Variants in CNBD1 observed in about 807,000 individuals in gnomAD.
CNBD1 encodes the protein cyclic nucleotide binding domain containing 1.
A neutral mutation model predicts 54.4 loss-of-function variants in CNBD1; 71 were observed. The observed-to-expected ratio is 1.30, with a 90% CI of 1.08 to 1.59. The LOEUF (loss-of-function observed/expected upper bound fraction) is 1.59. Among genes scored for constraint, CNBD1 ranks in the 40% most tolerant of loss-of-function variants. CNBD1 has a pLI of 0.00. For synonymous variants in CNBD1, 182 were observed against 170.7 expected (o/e 1.07, Z -0.51); for missense variants, 659 against 518.0 (o/e 1.27, Z -2.64).
intron 4 of CNBD1, among the ~76,000 whole-genome samples, chr8:87,117,276 A>G (rs916384825): frequency 6.6e-6 from 1 of 151,784 alleles, no homozygotes; most frequent in Non-Finnish European, 1.5e-5. Flanking sequence ...GCAGGTGCCT[A>G]TAATCCCAGC....
chr8:86,972,555 G>A (rs1332726116), intron 4 of CNBD1, among the ~76,000 whole-genome samples: 1 of 152,142 alleles, frequency 6.6e-6, no homozygotes, highest in Non-Finnish European at 1.5e-5. Context: ...GAAACTTAAG[G>A]AGATAGTGCA....
intron 6 of CNBD1, among the ~76,000 whole-genome samples, chr8:87,260,243 G>A (rs1288075486): frequency 6.6e-6 from 1 of 152,114 alleles, no homozygotes; most frequent in Non-Finnish European, 1.5e-5. Context: ...ACCCTGGAAG[G>A]CAGAGACCAA....
At chr8:87,305,693 G>T (rs1352710980) in intron 8 of CNBD1, among the ~76,000 whole-genome samples, 1 of 152,078 alleles carries the variant, frequency 6.6e-6, no homozygotes, top group Non-Finnish European at 1.5e-5. Flanking sequence ...GGGATAATTG[G>T]CAAGCCACAT....
chr8:86,992,467 A>G (rs1808774282), intron 4 of CNBD1, among the ~76,000 whole-genome samples: 1 of 152,120 alleles, frequency 6.6e-6, no homozygotes, highest in Non-Finnish European at 1.5e-5. Flanking sequence ...GACCATTTTC[A>G]TTCAGAGTTA....
At chr8:86,894,637 G>T (rs1167710729) in intron 2 of CNBD1, among the ~76,000 whole-genome samples, 1 of 152,178 alleles carries the variant, frequency 6.6e-6, no homozygotes, top group East Asian at 1.9e-4. Context: ...TGTGTTCAAT[G>T]TTACAGAATA....
chr8:86,989,529 C>A (rs1808693680), intron 4 of CNBD1, among the ~76,000 whole-genome samples: 1 of 152,176 alleles, frequency 6.6e-6, no homozygotes, highest in Admixed American at 6.5e-5. Flanking sequence ...TGGCTCACTG[C>A]AACCTCTGCC....
At chr8:87,371,472 T>A (rs1469719273) in intron 10 of CNBD1, among the ~76,000 whole-genome samples, 1 of 151,898 alleles carries the variant, frequency 6.6e-6, no homozygotes, top group Non-Finnish European at 1.5e-5. Flanking sequence ...TCCTAAGTAC[T>A]TCTAACTCAT....
At chr8:87,270,158 C>A (rs1046793569) in intron 6 of CNBD1, among the ~76,000 whole-genome samples, 1 of 151,792 alleles carries the variant, frequency 6.6e-6, no homozygotes, top group African/African-American at 2.4e-5. Context: ...ATAATAAAAA[C>A]CACATGATCA....
chr8:87,021,821 A>G (rs1480953924), intron 4 of CNBD1, among the ~76,000 whole-genome samples: 2 of 152,218 alleles, frequency 1.3e-5, no homozygotes, highest in African/African-American at 4.8e-5. Flanking sequence ...GAAAATACAC[A>G]TAAATGCAGT....
In CNBD1 at chr8:87,163,386, C is replaced by A. The variant is rs1195526780; in HGVS notation, c.432-42607C>A. The stretch of plus-strand genomic sequence containing the variant: ...AAAATTAGAATTTTGATAGAGATTG[C>A]ATTGAATCTGCAGATCACTTCAGGT... On this transcript the variant is annotated intron_variant, in intron 4 of 10. Coordinates refer to ENST00000518476, the MANE Select transcript of CNBD1 (RefSeq NM_173538.3). This position sits in a 1 kb window ranked among gnomAD's most constrained non-coding sequence, Gnocchi z 4.5. Among the ~76,000 whole-genome samples the A allele has an allele frequency of 6.6e-6, 1 of 151,616 alleles. No homozygotes were observed. The highest frequency in any genetic ancestry group is 1.5e-5 in the Non-Finnish European group (1 of 67,860).
chr8:87,150,220 C>G (rs559253457), intron 4 of CNBD1, among the ~76,000 whole-genome samples: 24 of 151,908 alleles, frequency 1.6e-4, no homozygotes, highest in African/African-American at 5.5e-4. Flanking sequence ...TAGAAAACAG[C>G]TTTGTAGGAT....
At chr8:87,412,177 T>C (rs1384262093) in intron 2 of CNBD1, among the ~76,000 whole-genome samples, 1 of 152,076 alleles carries the variant, frequency 6.6e-6, no homozygotes, top group African/African-American at 2.4e-5. Context: ...TTTTGTCTGC[T>C]TAAGGCAAAC....
At position 87,105,245 on chromosome 8, in the gene CNBD1, T is replaced by C. The variant is rs545930396; in HGVS notation, c.432-100748T>C. Among the ~76,000 whole-genome samples the C allele has an allele frequency of 5.9e-5, 9 of 152,346 alleles. No homozygotes were observed. The South Asian group carries it at 1.9e-3, about 32-fold the overall frequency. On this transcript the variant is annotated intron_variant, in intron 4 of 10. Transcript: ENST00000518476. ...AAATGATGAAAGTAATTAATACACTTCTTTTTAAAACCACATGTAATTTTT... is the reference window on the plus strand; with the variant it reads ...AAATGATGAAAGTAATTAATACACTCCTTTTTAAAACCACATGTAATTTTT...
At chr8:87,249,505 G>A (rs1429509388) in intron 6 of CNBD1, among the ~76,000 whole-genome samples, 1 of 152,152 alleles carries the variant, frequency 6.6e-6, no homozygotes, top group South Asian at 2.1e-4. Context: ...TCCACAAAAT[G>A]CACAGAAGGC....
At chr8:87,425,438 A>T (rs1667794132) in intron 2 of CNBD1, among the ~76,000 whole-genome samples, 1 of 151,968 alleles carries the variant, frequency 6.6e-6, no homozygotes, top group Non-Finnish European at 1.5e-5. Flanking sequence ...TTTTTTCTCC[A>T]TCTTTGTGGT....
chr8:87,276,519 A>G (rs1167026054), intron 6 of CNBD1, among the ~76,000 whole-genome samples: 2 of 151,850 alleles, frequency 1.3e-5, no homozygotes, highest in South Asian at 2.1e-4. Context: ...AACAGTCCAA[A>G]CAACAGAAAT....
intron 10 of CNBD1, among the ~76,000 whole-genome samples, chr8:87,381,622 A>C (rs1308295248): frequency 6.6e-6 from 1 of 152,044 alleles, no homozygotes; most frequent in South Asian, 2.1e-4. Flanking sequence ...TGGGAAATCT[A>C]TTGACAGATA....
At chr8:87,371,077 A>G (rs1810778106) in intron 10 of CNBD1, among the ~76,000 whole-genome samples, 1 of 150,740 alleles carries the variant, frequency 6.6e-6, no homozygotes. Flanking sequence ...GTTCTGTTCC[A>G]TTGATCTATA....
intron 5 of CNBD1, among the ~76,000 whole-genome samples, chr8:87,214,616 G>C (rs1418267911): frequency 6.6e-6 from 1 of 152,146 alleles, no homozygotes; most frequent in African/African-American, 2.4e-5. Context: ...TTCTTAAGCT[G>C]CTAATAAAGA....
Sources: allele counts gnomAD v4.1 joint callset (sites outside exome capture counted in the v4.1 genomes callset), GRCh38; gene constraint gnomAD v4.1.1; non-coding constraint Gnocchi (gnomAD v3.1); transcripts MANE v1.5; gene names NCBI Gene and HGNC (gene_info 2026-07-23, HGNC 2026-07-21).